Variants in MAP3K20 observed in about 807,000 individuals in gnomAD.
MAP3K20 encodes the protein mitogen-activated protein kinase kinase kinase 20.
In MAP3K20, 40 loss-of-function variants were observed where a neutral mutation model predicts 85.7. That is an observed-to-expected ratio of 0.47 (90% CI 0.36 to 0.61). The LOEUF (loss-of-function observed/expected upper bound fraction) is 0.61, where lower values mean the gene tolerates loss of function less well. MAP3K20 is among the 20% of genes least tolerant of loss of function. The pLI is 0.00. For missense variants in MAP3K20, 817 were observed against 961.7 expected (o/e 0.85, Z 1.99); for synonymous variants, 325 against 327.7 (o/e 0.99, Z 0.09).
chr2:173,136,151 T>G (rs1406060750), intron 2 of MAP3K20, among the ~76,000 whole-genome samples: 2 of 152,254 alleles, frequency 1.3e-5, no homozygotes, highest in African/African-American at 4.8e-5. Flanking sequence ...TTGAATAGCC[T>G]GTGTTCCACT....
intron 2 of MAP3K20, among the ~76,000 whole-genome samples, chr2:173,095,974 T>G (rs1687447094): frequency 6.6e-6 from 1 of 152,214 alleles, no homozygotes; most frequent in Admixed American, 6.5e-5. Flanking sequence ...ATTTCAAACA[T>G]AAAGAAAAGG....
intron 11 of MAP3K20, chr2:173,222,048 A>G: frequency 1.0e-6 from 1 of 963,148 alleles, no homozygotes; most frequent in Non-Finnish European, 1.2e-6. Flanking sequence ...ACTAATAATT[A>G]AAAAACTAGC....
chr2:173,142,832 C>A (rs1053345792), intron 2 of MAP3K20, among the ~76,000 whole-genome samples: 15 of 151,810 alleles, frequency 9.9e-5, no homozygotes, highest in Non-Finnish European at 1.9e-4. Context: ...AATTAAGCAC[C>A]CCAATTAAAT....
chr2:173,247,459 C>T (rs1309650188), intron 16 of MAP3K20, among the ~76,000 whole-genome samples: 1 of 151,936 alleles, frequency 6.6e-6, no homozygotes, highest in East Asian at 1.9e-4. Context: ...TTCAGAAGAG[C>T]AGAAAGCAGC....
At chr2:173,171,695 C>G (rs1690004721) in intron 3 of MAP3K20, among the ~76,000 whole-genome samples, 1 of 152,180 alleles carries the variant, frequency 6.6e-6, no homozygotes, top group Non-Finnish European at 1.5e-5. Flanking sequence ...CTTTAGCATT[C>G]TCTACTCATA....
chr2:173,077,128 C>T (rs1686885873), intron 1 of MAP3K20, among the ~76,000 whole-genome samples: 1 of 152,150 alleles, frequency 6.6e-6, no homozygotes, highest in South Asian at 2.1e-4. Context: ...TGAGAATCGT[C>T]TTACAGAGTG....
rs1280858141 is a variant in MAP3K20, at chr2:173,203,877, A to G, written c.744+7A>G. On this transcript the variant is annotated splice_region_variant and intron_variant, in intron 9 of 19. Transcript: ENST00000375213. ...TTGGGAAGCTGATGCCAAGGTATACATATGTATTTTTGTTATTGTTTAGAA... is the reference window on the plus strand; with the variant it reads ...TTGGGAAGCTGATGCCAAGGTATACGTATGTATTTTTGTTATTGTTTAGAA... 11 of 1,612,244 alleles carry G rather than the reference A, an allele frequency of 6.8e-6. No individual in the cohort carries two copies. Among genetic ancestry groups the G allele is most frequent in the African/African-American group, 2.7e-5 (2 of 74,854 alleles).
intron 2 of MAP3K20, among the ~76,000 whole-genome samples, chr2:173,117,207 AG>A (rs1430697669): frequency 6.6e-6 from 1 of 152,256 alleles, no homozygotes. Flanking sequence ...GGAGTGTTTA[AG>A]GTGAGTCTCT....
chr2:173,122,127 A>T (rs1267032613), intron 2 of MAP3K20, among the ~76,000 whole-genome samples: 1 of 152,238 alleles, frequency 6.6e-6, no homozygotes, highest in East Asian at 1.9e-4. Flanking sequence ...AACTATAAGC[A>T]ATCACCCGTG....
rs141839926 is a variant in MAP3K20 at position 173,180,644 on chromosome 2, C to T, written c.248-2210C>T. On this transcript the variant is annotated intron_variant, in intron 3 of 19. Transcript: ENST00000375213. ...GGAGCCAAGAGTGTGCCACTGCACT[C>T]AAGCCTGGGCAACAGAGTGAGACCT... is the stretch of plus-strand genomic sequence containing the variant. 5.0e-3 allele frequency among the ~76,000 whole-genome samples: 757 copies of T among 151,938 alleles called. 8 individuals are homozygous for T. The highest frequency in any genetic ancestry group is 0.027 in the Admixed American group (411 of 15,244).
At chr2:173,263,402 G>A (rs946019989) in intron 18 of MAP3K20, among the ~76,000 whole-genome samples, 2 of 152,252 alleles carry the variant, frequency 1.3e-5, no homozygotes, top group East Asian at 1.9e-4. Context: ...AAACAAAGAG[G>A]TAAGTTGAGA....
At chr2:173,202,580 C>G (rs900315918) in intron 8 of MAP3K20, among the ~76,000 whole-genome samples, 4 of 152,152 alleles carry the variant, frequency 2.6e-5, no homozygotes, top group African/African-American at 9.7e-5. Flanking sequence ...GGTAACACAA[C>G]TACCTACACA....
chr2:173,089,766 T>A (rs943344534), intron 1 of MAP3K20, among the ~76,000 whole-genome samples: 1 of 152,020 alleles, frequency 6.6e-6, no homozygotes, highest in Non-Finnish European at 1.5e-5. Flanking sequence ...ATGCTTAGGG[T>A]TTTGTCATGT....
chr2:173,243,552 G>A (rs1684841777), intron 16 of MAP3K20, among the ~76,000 whole-genome samples: 1 of 152,182 alleles, frequency 6.6e-6, no homozygotes, highest in Admixed American at 6.5e-5. Context: ...AAAAAGCACT[G>A]TCTTATGTGC....
intron 11 of MAP3K20, chr2:173,225,714 A>G (rs1684369249): frequency 1.0e-6 from 1 of 985,206 alleles, no homozygotes; most frequent in Non-Finnish European, 1.2e-6. Flanking sequence ...GAACAAAATT[A>G]CCCAAGTCAA....
intron 2 of MAP3K20, among the ~76,000 whole-genome samples, chr2:173,119,567 C>T (rs867010117): frequency 1.3e-5 from 2 of 152,210 alleles, no homozygotes; most frequent in East Asian, 1.9e-4. Flanking sequence ...AAAGTATTTA[C>T]AGGGCCTAGC....
At chr2:173,223,435 C>T (rs1684305287) in intron 11 of MAP3K20, 2 of 984,376 alleles carry the variant, frequency 2.0e-6, no homozygotes, top group Admixed American at 1.2e-4. Context: ...CGGAAAGTGG[C>T]TAATGTTAGC....
chr2:173,210,929 C>T (rs1212075547), intron 10 of MAP3K20: 6 of 151,990 alleles, frequency 3.9e-5, no homozygotes, highest in Non-Finnish European at 7.4e-5. Context: ...TTATCTAGGG[C>T]TAGTGAGGTA....
intron 2 of MAP3K20, among the ~76,000 whole-genome samples, chr2:173,145,581 A>C (rs1689113392): frequency 6.6e-6 from 1 of 152,196 alleles, no homozygotes; most frequent in Non-Finnish European, 1.5e-5. Flanking sequence ...TTTCACCCAG[A>C]CTAGAAAGGC....
Sources: gnomAD v4.1 joint callset for allele counts (sites outside exome capture counted in the v4.1 genomes callset) on GRCh38, gnomAD v4.1.1 for gene constraint, MANE v1.5 for transcripts, NCBI Gene and HGNC (gene_info 2026-07-23, HGNC 2026-07-21) for gene names.